The following GLI3 variants were observed in gnomAD, a reference collection of about 807,000 sequenced individuals.
GLI3 encodes GLI family zinc finger 3.
Under a neutral mutation model 100.8 loss-of-function variants are expected in GLI3, and 20 were observed. That is an observed-to-expected ratio of 0.20 (90% CI 0.14 to 0.29). GLI3 has a LOEUF of 0.29. Ranked by LOEUF, GLI3 falls within the 10% of genes least tolerant of loss-of-function variation. The probability of loss-of-function intolerance (pLI) is 1.00; values close to 1 mark genes in which losing one functional copy is unlikely to be tolerated. For synonymous variants in GLI3, 938 were observed against 860.5 expected, an observed-to-expected ratio of 1.09 and a Z score of -1.58; for missense variants, 2,040 against 2,128.5, an observed-to-expected ratio of 0.96 and a Z score of 0.82.
intron 2 of GLI3, among the ~76,000 whole-genome samples, chr7:42,195,064 G>A (rs560219058): frequency 1.3e-5 from 2 of 152,204 alleles, no homozygotes; most frequent in East Asian, 3.9e-4. Flanking sequence ...ACTGTGCCTG[G>A]CCTCTAATGC....
chr7:42,113,761 GT>G, intron 3 of GLI3: 1 of 532,172 alleles, frequency 1.9e-6, no homozygotes, highest in Non-Finnish European at 3.4e-6. Context: ...CTTCATTGTT[GT>G]TTTTGGAGGA....
At chr7:42,255,118 G>T (rs1030151008) in intron 1 of GLI3, among the ~76,000 whole-genome samples, 1 of 136,782 alleles carries the variant, frequency 7.3e-6, no homozygotes, top group African/African-American at 2.9e-5. Context: ...CTTTTAGTTT[G>T]GAACGCTATT....
intron 6 of GLI3, among the ~76,000 whole-genome samples, chr7:42,045,042 T>C (rs537691624): frequency 1.3e-5 from 2 of 152,258 alleles, no homozygotes; most frequent in Admixed American, 1.3e-4. Flanking sequence ...TACATGCCAC[T>C]ACACCCAGCT....
intron 1 of GLI3, among the ~76,000 whole-genome samples, chr7:42,257,489 TGCCC>T (rs1306926200): frequency 6.6e-6 from 1 of 151,578 alleles, no homozygotes; most frequent in Admixed American, 6.6e-5. Flanking sequence ...GGACTACAGG[TGCCC>T]GCCACCACAC....
intron 13 of GLI3, among the ~76,000 whole-genome samples, chr7:41,968,736 GAAAGA>G (rs1215503223): frequency 5.3e-5 from 6 of 112,722 alleles, no homozygotes; most frequent in African/African-American, 8.8e-5. Context: ...AAGAAAGAAA[GAAAGA>G]AAGAAAGAAA....
rs2128704689 is a variant in GLI3 at position 41,964,397 on chromosome 7, A to G, written c.4676T>C (p.Ile1559Thr). The stretch of plus-strand genomic sequence containing the variant: ...GGTCAGCAAAGAACTCATGTCCCCG[A>G]TAGCCATGTTGGTGGTGCTCATGGA... Reference protein sequence around the residue: ...ALSMSTTNMAIGDMSSLLTSL... With the variant: ...ALSMSTTNMATGDMSSLLTSL... Residue 1559 changes from isoleucine to threonine, a missense_variant, in exon 15 of 15, where the codon ATC becomes ACC. Transcript: ENST00000395925. The G allele has an allele frequency of 1.2e-6, 2 of 1,614,104 alleles. No homozygotes were observed. Among genetic ancestry groups the G allele is most frequent in the Non-Finnish European group, 1.7e-6 (2 of 1,179,942 alleles).
At chr7:41,992,771 A>G (rs1477056027) in intron 10 of GLI3, among the ~76,000 whole-genome samples, 1 of 152,170 alleles carries the variant, frequency 6.6e-6, no homozygotes, top group East Asian at 1.9e-4. Context: ...AAAAGAAGCG[A>G]TTAAGGCAAG....
intron 4 of GLI3, among the ~76,000 whole-genome samples, chr7:42,065,580 T>A (rs10236375): frequency 0.077 from 11,757 of 152,286 alleles, 608 homozygotes; most frequent in Non-Finnish European, 0.11. Context: ...AAAAATAGCA[T>A]ATGTACAAGA....
intron 2 of GLI3, among the ~76,000 whole-genome samples, chr7:42,177,811 G>A (rs754393052): frequency 5.9e-5 from 9 of 152,158 alleles, no homozygotes; most frequent in African/African-American, 1.2e-4. Flanking sequence ...TCTCCTCGAC[G>A]GGCTCGTCCA....
At chr7:42,163,364 C>G (rs919894505) in intron 2 of GLI3, among the ~76,000 whole-genome samples, 13 of 152,052 alleles carry the variant, frequency 8.5e-5, no homozygotes, top group Non-Finnish European at 1.5e-5. Flanking sequence ...TTGTCTCTAC[C>G]CTTTCACTCT....
At chr7:42,256,900 T>A (rs898183385) in intron 1 of GLI3, among the ~76,000 whole-genome samples, 1 of 152,202 alleles carries the variant, frequency 6.6e-6, no homozygotes, top group Non-Finnish European at 1.5e-5. Context: ...AGTCTTCCAG[T>A]CCATGAATAT....
At chr7:42,119,941 G>A (rs1181003928) in intron 3 of GLI3, among the ~76,000 whole-genome samples, 1 of 152,100 alleles carries the variant, frequency 6.6e-6, no homozygotes. Context: ...CAGATGAATC[G>A]AGTCATCCAC....
chr7:42,249,651 A>C (rs914385623), intron 1 of GLI3, among the ~76,000 whole-genome samples: 1 of 152,190 alleles, frequency 6.6e-6, no homozygotes, highest in Non-Finnish European at 1.5e-5. Context: ...CTGAGCTAAC[A>C]CTTAGTCATA....
chr7:42,112,732 T>A (rs1785744359), intron 3 of GLI3, among the ~76,000 whole-genome samples: 1 of 152,186 alleles, frequency 6.6e-6, no homozygotes, highest in South Asian at 2.1e-4. Flanking sequence ...GAAGAATCTA[T>A]GGGCTAGAAA....
intron 10 of GLI3, among the ~76,000 whole-genome samples, chr7:42,008,898 A>G (rs1788532696): frequency 6.6e-6 from 1 of 152,044 alleles, no homozygotes; most frequent in South Asian, 2.1e-4. Context: ...CATGTTTTTT[A>G]TTTTTCAAGA....
chr7:42,067,943 TA>T (rs1183175973), intron 4 of GLI3, among the ~76,000 whole-genome samples: 1 of 152,276 alleles, frequency 6.6e-6, no homozygotes, highest in Admixed American at 6.5e-5. Context: ...AAGAAAATTT[TA>T]AATATCTGTC....
intron 3 of GLI3, among the ~76,000 whole-genome samples, chr7:42,078,798 C>G (rs1318938103): frequency 6.8e-6 from 1 of 146,082 alleles, no homozygotes. Context: ...GGCTCGATCT[C>G]GGCTCACTGT....
intron 3 of GLI3, chr7:42,118,223 T>G (rs1189290557): frequency 1.0e-5 from 4 of 398,342 alleles, no homozygotes; most frequent in Non-Finnish European, 1.8e-5. Context: ...TTTCTTAATG[T>G]GCATGTTAAG....
intron 2 of GLI3, among the ~76,000 whole-genome samples, chr7:42,196,404 T>C (rs1362332792): frequency 6.6e-6 from 1 of 152,188 alleles, no homozygotes; most frequent in Non-Finnish European, 1.5e-5. Flanking sequence ...GACTAAATAT[T>C]TTCTCTACCT....
Sources: allele counts gnomAD v4.1 joint callset (sites outside exome capture counted in the v4.1 genomes callset), GRCh38; gene constraint gnomAD v4.1.1; transcripts MANE v1.5; gene names NCBI Gene and HGNC (gene_info 2026-07-23, HGNC 2026-07-21).